Variants in ZNF444 observed in about 807,000 individuals in gnomAD.
ZNF444 encodes endothelial zinc finger protein 2.
ZNF444 carries 8 observed loss-of-function variants against 14.4 expected under a neutral mutation model. The ratio of observed to expected loss-of-function variants is 0.56; its 90% CI spans 0.33 to 1.00. The LOEUF is 1.00. ZNF444 is among the 50% of genes least tolerant of loss of function. The probability of loss-of-function intolerance (pLI) is 0.03; values close to 1 mark genes in which losing one functional copy is unlikely to be tolerated. For synonymous variants in ZNF444, 258 were observed against 235.9 expected (o/e 1.09, Z -0.86); for missense variants, 510 against 504.8 (o/e 1.01, Z -0.10).
intron 1 of ZNF444, among the ~76,000 whole-genome samples, chr19:56,143,996 C>A (rs769442578): frequency 2.6e-5 from 4 of 152,076 alleles, no homozygotes; most frequent in Non-Finnish European, 5.9e-5. Context: ...TGGGCACTGG[C>A]CTTCGGTCCA....
At chr19:56,149,173 C>T (rs1268761327) in intron 3 of ZNF444, among the ~76,000 whole-genome samples, 1 of 97,334 alleles carries the variant, frequency 1.0e-5, no homozygotes, top group African/African-American at 5.4e-5. Flanking sequence ...TGCTTTCATC[C>T]CCATCACTCC....
Position 56,144,396 on chromosome 19 carries a change from G to A in ZNF444, c.-196-1851G>A, listed in dbSNP as rs1001725312. Among the ~76,000 whole-genome samples, 25 of 152,182 alleles carry A rather than the reference G, an allele frequency of 1.6e-4. No homozygotes were observed. The highest frequency in any genetic ancestry group is 1.4e-3 in the Admixed American group (22 of 15,266). On this transcript the variant is annotated intron_variant, in intron 1 of 4. Transcript: ENST00000337080. This position sits in a 1 kb window ranked among gnomAD's most constrained non-coding sequence, Gnocchi z 4.0. The stretch of plus-strand genomic sequence containing the variant: ...GGCAGAGATGAGAAAGTAGGGCTGG[G>A]CTGCATGGTCTCATGGCCATAGTAA...
chr19:56,153,765 G>A (rs2031730256), intron 3 of ZNF444, among the ~76,000 whole-genome samples: 1 of 152,176 alleles, frequency 6.6e-6, no homozygotes, highest in Non-Finnish European at 1.5e-5. Flanking sequence ...GCCAGTACCT[G>A]GTTAGCTTGA....
intron 1 of ZNF444, among the ~76,000 whole-genome samples, chr19:56,135,239 G>GA (rs898783969): frequency 4.1e-4 from 63 of 151,956 alleles, no homozygotes; most frequent in African/African-American, 1.4e-3. Flanking sequence ...TCAAAAAAAA[G>GA]AAAAAAATGT....
At chr19:56,158,624 T>G in intron 4 of ZNF444, 22 bp downstream of exon 4, 10 of 1,581,846 alleles carry the variant, frequency 6.3e-6, no homozygotes, top group Non-Finnish European at 8.6e-6. Context: ...GCCTCTCTGG[T>G]TCTCCCCGCC....
At chr19:56,150,488 T>C in intron 3 of ZNF444, 1 of 365,508 alleles carries the variant, frequency 2.7e-6, no homozygotes, top group Non-Finnish European at 5.3e-6. Flanking sequence ...CTCTTTTTAA[T>C]AAGGGCAGAT....
intron 1 of ZNF444, chr19:56,143,586 CTT>C (rs1033131124): frequency 1.3e-5 from 2 of 152,132 alleles, no homozygotes; most frequent in African/African-American, 4.8e-5. Flanking sequence ...AGCTGAGTGA[CTT>C]TAGGTAAGAC....
chr19:56,159,418 CATCT>C (rs1314130382), intron 4 of ZNF444, among the ~76,000 whole-genome samples: 2 of 152,158 alleles, frequency 1.3e-5, no homozygotes, highest in African/African-American at 4.8e-5. Context: ...AGCCAGCCAT[CATCT>C]ATTATGTATT....
At chr19:56,141,456 G>A (rs1198292808) in intron 1 of ZNF444, 99 bp downstream of exon 1, 2 of 113,164 alleles carry the variant, frequency 1.8e-5, no homozygotes, top group Non-Finnish European at 3.7e-5. Flanking sequence ...GGCCTCAGGA[G>A]GGAAAGATGG....
At chr19:56,141,192 C>T (rs1599990903), upstream of ZNF444, 1 of 146,590 alleles carries the variant, frequency 6.8e-6, no homozygotes, top group Admixed American at 6.9e-5. Flanking sequence ...GAGGCCGGGG[C>T]TTCATGGGGA....
At position 56,160,045 on chromosome 19, in the gene ZNF444, G is replaced by A. The variant is rs1273510797; in HGVS notation, c.828G>A (p.Arg276=). ...VRHRKTHSGA[R]PFACWECGKG... is the part of the protein sequence containing the mutation. ...ACCGCAAGACGCACTCGGGAGCGCG[G>A]CCCTTTGCCTGCTGGGAGTGTGGCA... is the stretch of plus-strand genomic sequence containing the variant. The change falls in exon 5 of 5, where the codon CGG becomes CGA. Residue 276 remains arginine, a synonymous_variant. Transcript: ENST00000337080. 2.7e-6 allele frequency: 4 copies of A among 1,506,748 alleles called. No individual in the cohort carries two copies. Among genetic ancestry groups the A allele is most frequent in the Non-Finnish European group, 3.5e-6 (4 of 1,133,134 alleles). 93.3% of individuals were successfully genotyped at this position (1,506,748 alleles called of 1,614,324 possible).
Position 56,160,437 on chromosome 19 carries a change from C to T in ZNF444, c.*236C>T, listed in dbSNP as rs2032223801. ...AGCCCCCCCCTTCTCCCTGATTTCTCGGCCTCTCTCTCTGTGTGAAGGGGC... is the reference window on the plus strand; with the variant it reads ...AGCCCCCCCCTTCTCCCTGATTTCTTGGCCTCTCTCTCTGTGTGAAGGGGC... On this transcript the variant is annotated 3_prime_UTR_variant, in exon 5 of 5. Coordinates refer to ENST00000337080, the MANE Select transcript of ZNF444 (RefSeq NM_018337.4). 2.1e-6 allele frequency: 1 copy of T among 475,356 alleles called. No individual in the cohort carries two copies. Among genetic ancestry groups the T allele is most frequent in the East Asian group, 3.7e-5 (1 of 26,910 alleles). 29.4% of individuals were successfully genotyped at this position (475,356 alleles called of 1,614,324 possible). A position where few individuals can be genotyped will look rare whatever the true frequency, so the allele number is the denominator to read the frequency against.
chr19:56,159,703 C>T lies in ZNF444; in HGVS notation c.486C>T (p.Ser162=). The T allele has an allele frequency of 2.6e-6, 4 of 1,548,176 alleles. No individual in the cohort carries two copies. Among genetic ancestry groups the T allele is most frequent in the East Asian group, 2.4e-5 (1 of 41,500 alleles). Residue 162 remains serine, a synonymous_variant, in exon 5 of 5, where the codon AGC becomes AGT. Transcript: ENST00000337080. The part of the protein sequence containing the change: ...AVRPYKQEPS[S]PPLAPGLPAF... ...GCCCCTACAAGCAGGAGCCCAGCAGCCCCCCGCTGGCGCCTGGCCTGCCCG... is the reference window on the plus strand; with the variant it reads ...GCCCCTACAAGCAGGAGCCCAGCAGTCCCCCGCTGGCGCCTGGCCTGCCCG...
upstream of ZNF444, among the ~76,000 whole-genome samples, chr19:56,138,515 C>G (rs1265056565): frequency 6.6e-6 from 1 of 152,064 alleles, no homozygotes; most frequent in Non-Finnish European, 1.5e-5. Flanking sequence ...CACCTGTAGT[C>G]TCAGCTACTC....
intron 1 of ZNF444, among the ~76,000 whole-genome samples, chr19:56,143,878 G>T (rs967729185): frequency 1.6e-4 from 24 of 152,160 alleles, no homozygotes; most frequent in Non-Finnish European, 2.9e-5. Flanking sequence ...CTCTCCAAGG[G>T]GGTAATAATT....
Position 56,159,709 on chromosome 19 carries a change from G to T in ZNF444, c.492G>T (p.Pro164=). 6.4e-7 allele frequency: 1 copy of T among 1,552,730 alleles called. No individual in the cohort carries two copies. Among genetic ancestry groups the T allele is most frequent in the African/African-American group, 1.4e-5 (1 of 73,458 alleles). ...ACAAGCAGGAGCCCAGCAGCCCCCC[G>T]CTGGCGCCTGGCCTGCCCGCCTTCC... ...RPYKQEPSSP[P]LAPGLPAFLA... is the part of the protein sequence containing the mutation. The change falls in exon 5 of 5, where the codon CCG becomes CCT. Residue 164 remains proline (P), a synonymous_variant. Coordinates refer to ENST00000337080, the MANE Select transcript of ZNF444 (RefSeq NM_018337.4).
At chr19:56,159,280 C>T (rs1218405285) in intron 4 of ZNF444, among the ~76,000 whole-genome samples, 1 of 151,972 alleles carries the variant, frequency 6.6e-6, no homozygotes, top group African/African-American at 2.4e-5. Context: ...CCCTCATCCA[C>T]CCACGCATTC....
intron 1 of ZNF444, among the ~76,000 whole-genome samples, chr19:56,134,974 G>A (rs1399106571): frequency 6.6e-6 from 1 of 152,028 alleles, no homozygotes. Flanking sequence ...CCTCATGCCT[G>A]TAATCCCAGC....
Position 56,159,844 on chromosome 19 carries a change from C to T in ZNF444, c.627C>T (p.Cys209=). 1.3e-6 allele frequency: 2 copies of T among 1,558,810 alleles called. No homozygotes were observed. Among genetic ancestry groups the T allele is most frequent in the Non-Finnish European group, 1.7e-6 (2 of 1,158,576 alleles). ...QSHSGEKPHA[C]PECGKAFRRK... ...ACTCGGGCGAGAAGCCGCACGCCTG[C>T]CCTGAGTGCGGGAAGGCCTTTCGGC... The change falls in exon 5 of 5, where the codon TGC becomes TGT. Residue 209 remains cysteine, a synonymous_variant. Transcript: ENST00000337080.
Sources: allele counts gnomAD v4.1 joint callset (sites outside exome capture counted in the v4.1 genomes callset), GRCh38; gene constraint gnomAD v4.1.1; non-coding constraint Gnocchi (gnomAD v3.1); transcripts MANE v1.5; gene names NCBI Gene and HGNC (gene_info 2026-07-23, HGNC 2026-07-21).